Variants in FTO observed in about 807,000 individuals in gnomAD.
FTO encodes alpha-ketoglutarate-dependent dioxygenase FTO.
In FTO, 47 loss-of-function variants were observed where a neutral mutation model predicts 63.9. The observed-to-expected ratio is 0.74, with a 90% CI of 0.58 to 0.94. FTO has a LOEUF of 0.94. FTO is among the 40% of genes least tolerant of loss of function. The probability of loss-of-function intolerance (pLI) is 0.00; values close to 1 mark genes in which losing one functional copy is unlikely to be tolerated. For missense variants in FTO, 562 were observed against 618.1 expected (o/e 0.91, Z 0.96); for synonymous variants, 207 against 224.4 (o/e 0.92, Z 0.69).
chr16:54,073,154 C>A (rs189311726), intron 8 of FTO, among the ~76,000 whole-genome samples: 1 of 152,196 alleles, frequency 6.6e-6, no homozygotes, highest in Admixed American at 6.5e-5. Flanking sequence ...TGTCCTGTTG[C>A]GTCCCTATTC....
chr16:53,846,054 G>C (rs2079609642), intron 4 of FTO, among the ~76,000 whole-genome samples: 2 of 152,142 alleles, frequency 1.3e-5, no homozygotes, highest in Admixed American at 1.3e-4. Context: ...AGATGGCAGA[G>C]ATTGTTCTTT....
intron 8 of FTO, among the ~76,000 whole-genome samples, chr16:54,050,194 T>G (rs1329251148): frequency 6.6e-6 from 1 of 152,158 alleles, no homozygotes; most frequent in Non-Finnish European, 1.5e-5. Flanking sequence ...TTGTCAATTA[T>G]GAGTCCCAGA....
At chr16:53,782,366 T>C (rs1346985623) in intron 1 of FTO, among the ~76,000 whole-genome samples, 1 of 152,202 alleles carries the variant, frequency 6.6e-6, no homozygotes, top group African/African-American at 2.4e-5. Context: ...TGGCAATCAA[T>C]ATCTGAGCCT....
At chr16:53,949,444 C>T (rs774184739) in intron 8 of FTO, among the ~76,000 whole-genome samples, 1 of 152,146 alleles carries the variant, frequency 6.6e-6, no homozygotes, top group African/African-American at 2.4e-5. Flanking sequence ...TAAACCTTGG[C>T]GGCCACCGAA....
chr16:54,028,574 A>G (rs899375068), intron 8 of FTO, among the ~76,000 whole-genome samples: 4 of 151,988 alleles, frequency 2.6e-5, no homozygotes, highest in Admixed American at 1.3e-4. Flanking sequence ...ACCGATTACA[A>G]CTCTTTCCAT....
chr16:53,763,306 A>G (rs939920513), intron 1 of FTO, among the ~76,000 whole-genome samples: 6 of 152,232 alleles, frequency 3.9e-5, no homozygotes, highest in African/African-American at 1.4e-4. Flanking sequence ...TAACATTATT[A>G]AAAGTAATTA....
At chr16:54,042,105 C>T (rs2085091172) in intron 8 of FTO, among the ~76,000 whole-genome samples, 1 of 152,118 alleles carries the variant, frequency 6.6e-6, no homozygotes, top group Non-Finnish European at 1.5e-5. Flanking sequence ...TTGGAGGAGC[C>T]AAGATGGCCG....
intron 1 of FTO, among the ~76,000 whole-genome samples, chr16:53,740,233 C>T (rs923365587): frequency 6.6e-6 from 1 of 152,078 alleles, no homozygotes; most frequent in Non-Finnish European, 1.5e-5. Context: ...ACATTGTGCC[C>T]ACAAAGCTGA....
chr16:53,928,715 TC>T (rs1216982359), intron 7 of FTO, among the ~76,000 whole-genome samples: 1 of 152,214 alleles, frequency 6.6e-6, no homozygotes, highest in African/African-American at 2.4e-5. Flanking sequence ...TTTTCTGCAT[TC>T]TTTCTTGTTT....
intron 3 of FTO, among the ~76,000 whole-genome samples, chr16:53,842,437 G>C (rs1360023121): frequency 1.3e-5 from 2 of 152,142 alleles, no homozygotes; most frequent in Non-Finnish European, 2.9e-5. Context: ...TTTTTATGTA[G>C]AGTTATTCCT....
intron 4 of FTO, 89 bp from the exon 5 acceptor site, chr16:53,873,697 A>T: frequency 1.0e-6 from 1 of 972,630 alleles, no homozygotes; most frequent in Non-Finnish European, 1.6e-6. Flanking sequence ...AGATAGATTT[A>T]CTGTTTACTT....
At position 54,120,553 on chromosome 16, in the gene FTO, AAT is replaced by A. The variant is rs1199831435; in HGVS notation, c.*8641_*8642del. ...GCACATACCCCAAAGAGAAGTTTTT[AAT>A]ATGTCACACCCATATTTTATAGATG... On this transcript the variant is annotated 3_prime_UTR_variant, in exon 9 of 9. Transcript: ENST00000471389. The A allele has an allele frequency of 6.6e-6, 1 of 152,220 alleles. No homozygotes were observed. Among genetic ancestry groups the A allele is most frequent in the Non-Finnish European group, 1.5e-5 (1 of 68,042 alleles). 9.4% of individuals were successfully genotyped at this position (152,220 alleles called of 1,614,324 possible). A position where few individuals can be genotyped will look rare whatever the true frequency, so the allele number is the denominator to read the frequency against.
chr16:54,049,066 A>G (rs1264027697), intron 8 of FTO, among the ~76,000 whole-genome samples: 1 of 152,060 alleles, frequency 6.6e-6, no homozygotes, highest in African/African-American at 2.4e-5. Flanking sequence ...TAGCTCAGAT[A>G]ACACTGCTGT....
At chr16:53,904,181 C>G (rs975766911) in intron 7 of FTO, among the ~76,000 whole-genome samples, 11 of 151,946 alleles carry the variant, frequency 7.2e-5, no homozygotes, top group Middle Eastern at 3.2e-3. Flanking sequence ...TATCATCAGA[C>G]TTTTTTGCAA....
intron 5 of FTO, among the ~76,000 whole-genome samples, chr16:53,876,628 C>G (rs574023698): frequency 6.6e-6 from 1 of 152,122 alleles, no homozygotes; most frequent in African/African-American, 2.4e-5. Context: ...GCAAAGGAAT[C>G]GAATTAACAT....
chr16:54,007,491 AC>A (rs1178287230), intron 8 of FTO, among the ~76,000 whole-genome samples: 1 of 152,090 alleles, frequency 6.6e-6, no homozygotes, highest in African/African-American at 2.4e-5. Flanking sequence ...ATATAAGAGT[AC>A]CCACCTCCTA....
At chr16:53,792,411 C>T (rs1339752407) in intron 1 of FTO, among the ~76,000 whole-genome samples, 1 of 152,028 alleles carries the variant, frequency 6.6e-6, no homozygotes, top group East Asian at 1.9e-4. Flanking sequence ...TGGAAACAGC[C>T]GAAAGCCAGA....
chr16:53,755,543 TTGAA>T (rs1239518327), intron 1 of FTO, among the ~76,000 whole-genome samples: 2 of 152,230 alleles, frequency 1.3e-5, no homozygotes, highest in African/African-American at 4.8e-5. Context: ...GACCATTTGT[TTGAA>T]TGAAATCATC....
In FTO at chr16:54,083,791, CT is replaced by C. The variant is rs573574682; in HGVS notation, c.1365-27970del. ...TGGGATTTTGGAAAGTTTGCGGGGG[CT>C]GGCATTTTGTCTGTTTGCCTTTACT... On this transcript the variant is annotated intron_variant, in intron 8 of 8. Transcript: ENST00000471389. 2.6e-4 allele frequency among the ~76,000 whole-genome samples: 40 copies of C among 152,296 alleles called. No homozygotes were observed. The South Asian group carries it at 8.1e-3, about 31-fold the overall frequency.
Sources: allele counts gnomAD v4.1 joint callset (sites outside exome capture counted in the v4.1 genomes callset), GRCh38; gene constraint gnomAD v4.1.1; transcripts MANE v1.5; gene names NCBI Gene and HGNC (gene_info 2026-07-23, HGNC 2026-07-21).